The following RBFOX1 variants were observed in gnomAD, a reference collection of about 807,000 sequenced individuals.
RBFOX1 encodes the protein RNA binding protein fox-1 homolog 1.
In RBFOX1, 8 loss-of-function variants were observed where a neutral mutation model predicts 57.7. The observed-to-expected ratio is 0.14, with a 90% CI of 0.08 to 0.25. RBFOX1 has a LOEUF of 0.25. Among genes scored for constraint, RBFOX1 ranks in the 10% least tolerant of loss-of-function variants. The pLI is 1.00. For synonymous variants in RBFOX1, 326 were observed against 222.4 expected (o/e 1.47, Z -4.15); for missense variants, 611 against 548.5 (o/e 1.11, Z -1.14).
At chr16:7,577,923 A>T (rs779756970) in intron 5 of RBFOX1, among the ~76,000 whole-genome samples, 1 of 152,182 alleles carries the variant, frequency 6.6e-6, no homozygotes, top group Non-Finnish European at 1.5e-5. Context: ...GACAATGACA[A>T]AATGATTCTA....
At chr16:6,968,460 C>A (rs148392550) in intron 3 of RBFOX1, among the ~76,000 whole-genome samples, 4 of 152,078 alleles carry the variant, frequency 2.6e-5, no homozygotes, top group Non-Finnish European at 5.9e-5. Context: ...TGACGCTATC[C>A]GGACCGAAAA....
Position 6,393,897 on chromosome 16 carries a change from C to T in RBFOX1, c.-64+76840C>T, listed in dbSNP as rs574466349. Among the ~76,000 whole-genome samples the T allele has an allele frequency of 3.3e-5, 5 of 152,230 alleles. No homozygotes were observed. The East Asian group carries it at 9.7e-4, about 29-fold the overall frequency. On this transcript the variant is annotated intron_variant, in intron 2 of 15. Coordinates refer to ENST00000550418, the MANE Select transcript of RBFOX1 (RefSeq NM_018723.4). ...CCAGCAAAACCAGCCCTGTCCCAGG[C>T]AAACTGGGAATTATGATCTCTCTCT...
intron 2 of RBFOX1, among the ~76,000 whole-genome samples, chr16:6,566,270 C>G (rs562815525): frequency 1.2e-4 from 18 of 152,206 alleles, no homozygotes; most frequent in African/African-American, 3.9e-4. Context: ...ACAGGCCAGT[C>G]TCACAGCATC....
At chr16:5,804,830 T>G (rs2055175402) in intron 3 of RBFOX1, among the ~76,000 whole-genome samples, 1 of 151,702 alleles carries the variant, frequency 6.6e-6, no homozygotes, top group Non-Finnish European at 1.5e-5. Context: ...TAATCAGAAT[T>G]GACACATTCT....
chr16:7,464,736 G>A (rs1227297994), intron 4 of RBFOX1, among the ~76,000 whole-genome samples: 4 of 108,362 alleles, frequency 3.7e-5, no homozygotes, highest in Non-Finnish European at 5.0e-5. Context: ...TTGCTCTGTC[G>A]CCCAGGCTGG....
chr16:6,835,725 G>T (rs958103110), intron 3 of RBFOX1, among the ~76,000 whole-genome samples: 5 of 128,742 alleles, frequency 3.9e-5, no homozygotes, highest in South Asian at 5.1e-4. Context: ...TTGCACTCCA[G>T]CCTGGGTGAT....
chr16:7,124,858 A>G (rs2068087942), intron 4 of RBFOX1, among the ~76,000 whole-genome samples: 2 of 152,034 alleles, frequency 1.3e-5, no homozygotes, highest in South Asian at 4.1e-4. Flanking sequence ...ATAAATTACT[A>G]AAGTGTATTC....
chr16:7,406,491 A>C (rs534662210), intron 4 of RBFOX1, among the ~76,000 whole-genome samples: 20 of 152,330 alleles, frequency 1.3e-4, no homozygotes, highest in Non-Finnish European at 5.9e-5. Context: ...GGTTTCCAAA[A>C]GAAAACCTAC....
intron 2 of RBFOX1, among the ~76,000 whole-genome samples, chr16:5,504,540 C>T (rs567094907): frequency 2.0e-5 from 3 of 152,354 alleles, no homozygotes; most frequent in Non-Finnish European, 4.4e-5. Context: ...GCTCTGCTGA[C>T]GCCCTCCACG....
At chr16:7,659,030 T>TTTTA (rs2067030554) in intron 12 of RBFOX1, among the ~76,000 whole-genome samples, 1 of 152,140 alleles carries the variant, frequency 6.6e-6, no homozygotes. Flanking sequence ...CTGGCCATGT[T>TTTTA]TTTATTATTA....
chr16:7,123,028 G>A (rs1639819359), intron 4 of RBFOX1, among the ~76,000 whole-genome samples: 1 of 152,048 alleles, frequency 6.6e-6, no homozygotes, highest in African/African-American at 2.4e-5. Context: ...AAGATCAGGG[G>A]CTGCCAGGGA....
chr16:6,830,881 T>G (rs774941432), intron 3 of RBFOX1, among the ~76,000 whole-genome samples: 1 of 152,302 alleles, frequency 6.6e-6, no homozygotes, highest in Non-Finnish European at 1.5e-5. Flanking sequence ...CTCTCCCACC[T>G]CCTGGTCAGG....
intron 3 of RBFOX1, among the ~76,000 whole-genome samples, chr16:6,820,474 T>C (rs563661931): frequency 5.9e-5 from 9 of 152,126 alleles, no homozygotes; most frequent in East Asian, 3.9e-4. Flanking sequence ...ATGGGAAAGA[T>C]AGAAAAACCG....
chr16:7,206,442 A>G (rs1261519517), intron 4 of RBFOX1, among the ~76,000 whole-genome samples: 2 of 149,498 alleles, frequency 1.3e-5, no homozygotes, highest in African/African-American at 4.9e-5. Context: ...TATGTATTAT[A>G]TTTCCTTATT....
At chr16:5,802,617 T>A (rs2055096954) in intron 3 of RBFOX1, among the ~76,000 whole-genome samples, 1 of 152,198 alleles carries the variant, frequency 6.6e-6, no homozygotes, top group Admixed American at 6.5e-5. Context: ...TGGATCCATG[T>A]GGCAAGCAGA....
At chr16:7,118,779 C>T (rs2151752730) in intron 4 of RBFOX1, among the ~76,000 whole-genome samples, 1 of 152,140 alleles carries the variant, frequency 6.6e-6, no homozygotes, top group Non-Finnish European at 1.5e-5. Flanking sequence ...TAAAATTGTA[C>T]ACATAAGGAC....
intron 3 of RBFOX1, among the ~76,000 whole-genome samples, chr16:6,747,599 C>G (rs978526460): frequency 6.6e-6 from 1 of 152,140 alleles, no homozygotes; most frequent in Non-Finnish European, 1.5e-5. Context: ...TTCTATGGGT[C>G]TTCTCTTTAA....
intron 3 of RBFOX1, among the ~76,000 whole-genome samples, chr16:6,666,109 A>G (rs999362171): frequency 5.9e-5 from 9 of 152,136 alleles, no homozygotes; most frequent in Admixed American, 2.0e-4. Flanking sequence ...TTTGCCTCCC[A>G]TCATGGTTAT....
At chr16:7,654,546 T>A (rs1213721120) in intron 12 of RBFOX1, among the ~76,000 whole-genome samples, 1 of 152,180 alleles carries the variant, frequency 6.6e-6, no homozygotes, top group African/African-American at 2.4e-5. Flanking sequence ...ACAATGCAGA[T>A]TAGTTTGTTT....
Sources: allele counts gnomAD v4.1 joint callset (sites outside exome capture counted in the v4.1 genomes callset), GRCh38; gene constraint gnomAD v4.1.1; transcripts MANE v1.5; gene names NCBI Gene and HGNC (gene_info 2026-07-23, HGNC 2026-07-21).